The following UGGT2 variants were observed in gnomAD, a reference collection of about 807,000 sequenced individuals.
UGGT2 encodes UDP-glucose:glycoprotein glucosyltransferase 2.
Under a neutral mutation model 192.1 loss-of-function variants are expected in UGGT2, and 180 were observed. That is an observed-to-expected ratio of 0.94 (90% CI 0.83 to 1.06). The LOEUF (loss-of-function observed/expected upper bound fraction) is 1.06. UGGT2 is among the 50% of genes least tolerant of loss of function. The pLI, the probability that UGGT2 is intolerant of heterozygous loss-of-function variation, is 0.00. For missense variants in UGGT2, 1,849 were observed against 1,795.7 expected (o/e 1.03, Z -0.54); for synonymous variants, 580 against 591.0 (o/e 0.98, Z 0.27).
chr13:95,927,424 T>A, intron 17 of UGGT2, 88 bp from the exon 18 acceptor site: 10 of 1,041,186 alleles, frequency 9.6e-6, no homozygotes, highest in Non-Finnish European at 1.2e-5. Flanking sequence ...GATTACTTAA[T>A]CAAAAATAAA....
chr13:95,917,626 T>C lies in UGGT2; in HGVS notation c.2295+8054A>G, dbSNP rs1594321762. Among the ~76,000 whole-genome samples, 4 of 152,206 alleles carry C rather than the reference T, an allele frequency of 2.6e-5. No homozygotes were observed. The South Asian group carries it at 6.2e-4, about 24-fold the overall frequency. On this transcript the variant is annotated intron_variant, in intron 20 of 38. Coordinates refer to ENST00000376747, the MANE Select transcript of UGGT2 (RefSeq NM_020121.4). ...AAAAGACAAAGAATGGCAAGCTGGA[T>C]AAAGAGTGGAGACCCATCAACACGC...
chr13:96,053,133 C>T (rs1466533650), intron 1 of UGGT2, 22 bp downstream of exon 1: 2 of 1,471,702 alleles, frequency 1.4e-6, no homozygotes, highest in Middle Eastern at 2.4e-4. Context: ...CCCGCCCGGA[C>T]GAGGGCCCGG....
At chr13:96,025,570 T>C (rs2052638870) in intron 2 of UGGT2, among the ~76,000 whole-genome samples, 1 of 152,180 alleles carries the variant, frequency 6.6e-6, no homozygotes, top group South Asian at 2.1e-4. Context: ...CTGGCTGATA[T>C]AAAGAAGCTA....
At chr13:95,863,482 A>T in intron 31 of UGGT2, 147 bp downstream of exon 31, 1 of 626,874 alleles carries the variant, frequency 1.6e-6, no homozygotes, top group Non-Finnish European at 2.8e-6. Context: ...CCTATCTTGT[A>T]CACAGTAGTA....
intron 2 of UGGT2, among the ~76,000 whole-genome samples, chr13:96,029,069 T>C (rs1360504933): frequency 6.6e-6 from 1 of 151,972 alleles, no homozygotes; most frequent in East Asian, 1.9e-4. Flanking sequence ...GAGAATGGTG[T>C]GAACCCAGGA....
At chr13:95,905,052 A>C (rs534110236) in intron 20 of UGGT2, among the ~76,000 whole-genome samples, 1 of 151,836 alleles carries the variant, frequency 6.6e-6, no homozygotes, top group Non-Finnish European at 1.5e-5. Flanking sequence ...GCCAGTGATG[A>C]TGAGCATTTT....
At chr13:96,011,661 G>C (rs986859266) in intron 5 of UGGT2, among the ~76,000 whole-genome samples, 7 of 152,026 alleles carry the variant, frequency 4.6e-5, no homozygotes, top group Non-Finnish European at 7.4e-5. Flanking sequence ...CTCAGCAATA[G>C]AACTTCCAGG....
intron 17 of UGGT2, among the ~76,000 whole-genome samples, chr13:95,932,347 GTGTGTA>G (rs1941416925): frequency 6.6e-6 from 1 of 150,412 alleles, no homozygotes; most frequent in Admixed American, 6.6e-5. Context: ...GTGTGTGTGT[GTGTGTA>G]TGGCTATTGT....
intron 12 of UGGT2, among the ~76,000 whole-genome samples, chr13:95,954,329 G>T (rs960603910): frequency 1.3e-5 from 2 of 152,134 alleles, no homozygotes; most frequent in Non-Finnish European, 2.9e-5. Context: ...GCATTCCAAA[G>T]TTAACCTGAA....
At chr13:95,870,555 T>C (rs1891128448) in intron 29 of UGGT2, among the ~76,000 whole-genome samples, 1 of 152,186 alleles carries the variant, frequency 6.6e-6, no homozygotes, top group Admixed American at 6.5e-5. Flanking sequence ...GCTTCTAGCT[T>C]TCTCTCACTT....
At chr13:95,827,733 G>T (rs988502079) in intron 38 of UGGT2, among the ~76,000 whole-genome samples, 1 of 152,184 alleles carries the variant, frequency 6.6e-6, no homozygotes, top group Non-Finnish European at 1.5e-5. Context: ...CTATTAGTCA[G>T]GCAGCACTTT....
intron 22 of UGGT2, among the ~76,000 whole-genome samples, chr13:95,895,812 GAAAAATCACAT>G (rs2047929409): frequency 6.6e-6 from 1 of 151,964 alleles, no homozygotes; most frequent in Admixed American, 6.6e-5. Flanking sequence ...AAACCCAAGA[GAAAAATCACAT>G]AAAAATCACA....
At chr13:96,047,395 T>C (rs1259059631) in intron 1 of UGGT2, among the ~76,000 whole-genome samples, 4 of 152,196 alleles carry the variant, frequency 2.6e-5, no homozygotes, top group Non-Finnish European at 5.9e-5. Flanking sequence ...CCAACAGACC[T>C]GCAGCTGAGG....
At chr13:95,864,891 C>T (rs920464885) in intron 30 of UGGT2, among the ~76,000 whole-genome samples, 30 of 152,182 alleles carry the variant, frequency 2.0e-4, no homozygotes, top group Non-Finnish European at 3.5e-4. Flanking sequence ...AATCTTCACA[C>T]TTCAGAAACT....
At chr13:96,012,095 T>C (rs1167182251) in intron 5 of UGGT2, among the ~76,000 whole-genome samples, 1 of 152,078 alleles carries the variant, frequency 6.6e-6, no homozygotes, top group African/African-American at 2.4e-5. Context: ...ATGTTATTTT[T>C]GTGTAGAATA....
At chr13:95,808,419 T>C (rs532694389) in intron 38 of UGGT2, among the ~76,000 whole-genome samples, 33 of 152,306 alleles carry the variant, frequency 2.2e-4, no homozygotes, top group African/African-American at 7.9e-4. Flanking sequence ...GCATTTTTTT[T>C]TCTACAAACA....
chr13:95,836,583 A>T (rs1016602325), intron 37 of UGGT2, among the ~76,000 whole-genome samples: 5 of 152,200 alleles, frequency 3.3e-5, no homozygotes, highest in Non-Finnish European at 5.9e-5. Flanking sequence ...CTGGAAATTT[A>T]GGTGTGTCTC....
chr13:95,805,711 T>C (rs1884268687), intron 38 of UGGT2, among the ~76,000 whole-genome samples: 1 of 152,178 alleles, frequency 6.6e-6, no homozygotes, highest in African/African-American at 2.4e-5. Context: ...ATCCCACTTA[T>C]ATAAAGTATC....
chr13:95,950,776 TAAG>T (rs1426057798), intron 12 of UGGT2, among the ~76,000 whole-genome samples: 6 of 151,954 alleles, frequency 3.9e-5, no homozygotes, highest in Non-Finnish European at 8.8e-5. Context: ...TATTTATAAT[TAAG>T]AACTCTAAGA....
Sources: allele counts gnomAD v4.1 joint callset (sites outside exome capture counted in the v4.1 genomes callset), GRCh38; gene constraint gnomAD v4.1.1; transcripts MANE v1.5; gene names NCBI Gene and HGNC (gene_info 2026-07-23, HGNC 2026-07-21).